The following SLC35D2 variants were observed in gnomAD, a reference collection of about 807,000 sequenced individuals.
SLC35D2 encodes the protein nucleotide sugar transporter SLC35D2.
SLC35D2 carries 43 observed loss-of-function variants against 41.8 expected under a neutral mutation model. The ratio of observed to expected loss-of-function variants is 1.03; its 90% CI spans 0.81 to 1.33. The LOEUF (loss-of-function observed/expected upper bound fraction) is 1.33. SLC35D2 is among the 40% of genes most tolerant of loss of function. SLC35D2 has a pLI of 0.00. For missense variants in SLC35D2, 380 were observed against 408.4 expected (o/e 0.93, Z 0.60); for synonymous variants, 150 against 163.9 (o/e 0.92, Z 0.65).
chr9:96,363,281 C>G (rs774736404), intron 3 of SLC35D2, among the ~76,000 whole-genome samples: 1 of 151,958 alleles, frequency 6.6e-6, no homozygotes, highest in Non-Finnish European at 1.5e-5. Context: ...GGATTATAGG[C>G]GTGAGCCACC....
chr9:96,360,421 G>T (rs1211040384), intron 3 of SLC35D2, among the ~76,000 whole-genome samples, 200 bp from the exon 4 acceptor site: 1 of 151,882 alleles, frequency 6.6e-6, no homozygotes, highest in African/African-American at 2.4e-5. Context: ...ACGAGGTCAG[G>T]AGTTCGAGAC....
chr9:96,352,381 G>A (rs533802642), intron 4 of SLC35D2, among the ~76,000 whole-genome samples: 1 of 152,058 alleles, frequency 6.6e-6, no homozygotes, highest in African/African-American at 2.4e-5. Flanking sequence ...TAGTGCAGTG[G>A]TGCAATCTCG....
intron 9 of SLC35D2, among the ~76,000 whole-genome samples, chr9:96,329,102 A>G (rs185459600): frequency 0.013 from 2,024 of 152,124 alleles, 39 homozygotes; most frequent in African/African-American, 0.046. Context: ...AAAAAAAAAA[A>G]AAGACATTAT....
intron 9 of SLC35D2, among the ~76,000 whole-genome samples, chr9:96,330,232 C>A (rs1052683821): frequency 3.3e-5 from 5 of 152,210 alleles, no homozygotes; most frequent in African/African-American, 1.2e-4. Context: ...TTGGCTGGTG[C>A]CTGCCAACCA....
chr9:96,318,351 G>A (rs898949250), downstream of SLC35D2, among the ~76,000 whole-genome samples: 5 of 151,524 alleles, frequency 3.3e-5, no homozygotes, highest in African/African-American at 9.7e-5. Context: ...CCAGCTCCTC[G>A]GGAGGCTGAG....
chr9:96,320,515 CAA>C (rs11332811), downstream of SLC35D2, among the ~76,000 whole-genome samples: 14,757 of 124,118 alleles, frequency 0.12, 1,304 homozygotes, highest in African/African-American at 0.24. Flanking sequence ...GACTCTGTCT[CAA>C]AAAAAAAAAA....
intron 4 of SLC35D2, among the ~76,000 whole-genome samples, chr9:96,352,427 T>C (rs1829849278): frequency 6.6e-6 from 1 of 152,036 alleles, no homozygotes; most frequent in African/African-American, 2.4e-5. Context: ...GTTCAAGCGA[T>C]TCTCCTGCCT....
intron 5 of SLC35D2, 83 bp downstream of exon 5, chr9:96,351,955 G>T: frequency 2.5e-6 from 2 of 808,222 alleles, no homozygotes; most frequent in South Asian, 1.7e-5. Flanking sequence ...ATTGCAACTA[G>T]CAATGGCTAC....
chr9:96,363,800 A>G, intron 3 of SLC35D2, among the ~76,000 whole-genome samples: 1 of 152,206 alleles, frequency 6.6e-6, no homozygotes, highest in East Asian at 1.9e-4. Flanking sequence ...CAACCCATTT[A>G]AATGTCATCA....
chr9:96,377,773 A>C (rs77325065), intron 1 of SLC35D2, among the ~76,000 whole-genome samples: 2,073 of 152,280 alleles, frequency 0.014, 41 homozygotes, highest in African/African-American at 0.047. Flanking sequence ...GACCTGAGCT[A>C]GGTGGAGAGG....
intron 1 of SLC35D2, among the ~76,000 whole-genome samples, chr9:96,374,995 C>CTTT (rs373967703): frequency 1.5e-5 from 2 of 136,154 alleles, no homozygotes; most frequent in East Asian, 2.2e-4. Flanking sequence ...TGTTTGAATT[C>CTTT]TTTTTTTTTT....
Position 96,383,615 on chromosome 9 carries a change from G to A in SLC35D2, c.20C>T (p.Ala7Val). 2.5e-6 allele frequency: 3 copies of A among 1,184,866 alleles called. No homozygotes were observed. Among genetic ancestry groups the A allele is most frequent in the Non-Finnish European group, 3.1e-6 (3 of 962,084 alleles). The allele number at this position is 1,184,866 out of a possible 1,614,324, so 73.4% of individuals were successfully genotyped here. Residue 7 changes from alanine to valine, a missense_variant, in exon 1 of 12, where the codon GCC (alanine) becomes GTC (valine). Coordinates refer to ENST00000253270, the MANE Select transcript of SLC35D2 (RefSeq NM_007001.3). MTAGGQ[A>V]EAEGAGGEPG... ...CTCCCCGCCAGCGCCCTCGGCCTCG[G>A]CCTGGCCGCCGGCCGTCATCTCCTG...
chr9:96,361,236 A>G (rs996686965), intron 3 of SLC35D2, among the ~76,000 whole-genome samples: 1 of 152,176 alleles, frequency 6.6e-6, no homozygotes, highest in Non-Finnish European at 1.5e-5. Flanking sequence ...ACTCATATGC[A>G]CTGTTATGAA....
At chr9:96,314,597 C>T (rs7849668) in exon 12 of SLC35D2, 100,142 of 151,506 alleles carry the variant, frequency 0.66, 34,394 homozygotes, top group African/African-American at 0.85. Flanking sequence ...TAGGGGGGTG[C>T]GGGAGAGGGA....
At chr9:96,378,504 G>C (rs1472303899) in intron 1 of SLC35D2, among the ~76,000 whole-genome samples, 1 of 152,084 alleles carries the variant, frequency 6.6e-6, no homozygotes, top group African/African-American at 2.4e-5. Flanking sequence ...TAAATAGTGA[G>C]CAAATATTTG....
At chr9:96,332,286 G>A (rs907202147) in intron 9 of SLC35D2, among the ~76,000 whole-genome samples, 7 of 152,064 alleles carry the variant, frequency 4.6e-5, no homozygotes, top group African/African-American at 1.2e-4. Context: ...CGTCAGGAGA[G>A]AAGAGACAGC....
intron 4 of SLC35D2, among the ~76,000 whole-genome samples, chr9:96,356,209 C>T (rs1441268656): frequency 6.6e-6 from 1 of 152,200 alleles, no homozygotes; most frequent in African/African-American, 2.4e-5. Context: ...GAGGCCCTCA[C>T]CAGATGCAGA....
chr9:96,338,810 G>C (rs894188672), intron 8 of SLC35D2, among the ~76,000 whole-genome samples: 2 of 152,102 alleles, frequency 1.3e-5, no homozygotes, highest in African/African-American at 4.8e-5. Context: ...AAAAGTTTAT[G>C]CTTAAGGTAG....
intron 3 of SLC35D2, among the ~76,000 whole-genome samples, chr9:96,363,029 G>A (rs1393048947): frequency 6.6e-6 from 1 of 151,850 alleles, no homozygotes; most frequent in Non-Finnish European, 1.5e-5. Flanking sequence ...ACCACGCCCG[G>A]CTAATTTTTT....
Sources: allele counts gnomAD v4.1 joint callset (sites outside exome capture counted in the v4.1 genomes callset), GRCh38; gene constraint gnomAD v4.1.1; transcripts MANE v1.5; gene names NCBI Gene and HGNC (gene_info 2026-07-23, HGNC 2026-07-21).